Variants in NTRK3 observed in about 807,000 individuals in gnomAD.
NTRK3 encodes the protein NT-3 growth factor receptor.
A neutral mutation model predicts 91.7 loss-of-function variants in NTRK3; 24 were observed. That is an observed-to-expected ratio of 0.26 (90% CI 0.19 to 0.37). NTRK3 has a LOEUF of 0.37. Among genes scored for constraint, NTRK3 ranks in the 10% least tolerant of loss-of-function variants. NTRK3 has a pLI of 1.00. For missense variants in NTRK3, 880 were observed against 1,068.9 expected (o/e 0.82, Z 2.46); for synonymous variants, 483 against 404.0 (o/e 1.20, Z -2.34).
intron 13 of NTRK3, among the ~76,000 whole-genome samples, chr15:88,058,811 T>C (rs147067278): frequency 5.0e-4 from 76 of 152,222 alleles, no homozygotes; most frequent in African/African-American, 1.8e-3. Context: ...CTCAATGTCA[T>C]TGCACATGGG....
At chr15:88,050,515 G>A (rs998123658) in intron 13 of NTRK3, among the ~76,000 whole-genome samples, 7 of 115,840 alleles carry the variant, frequency 6.0e-5, no homozygotes, top group African/African-American at 1.6e-4. Flanking sequence ...GTGTGTGTGT[G>A]TATGTGTGTG....
intron 14 of NTRK3, among the ~76,000 whole-genome samples, chr15:88,022,956 G>T (rs909052512): frequency 2.0e-5 from 3 of 152,192 alleles, no homozygotes; most frequent in Non-Finnish European, 4.4e-5. Context: ...CCAGGGAGAT[G>T]AATGCTAATC....
At chr15:88,244,094 G>GC (rs369371384) in intron 3 of NTRK3, among the ~76,000 whole-genome samples, 402 of 152,166 alleles carry the variant, frequency 2.6e-3, no homozygotes, top group Non-Finnish European at 4.6e-3. Context: ...TGTCACTGCT[G>GC]CCCCCCCATG....
intron 14 of NTRK3, among the ~76,000 whole-genome samples, chr15:87,982,145 C>T (rs1003692856): frequency 1.3e-5 from 2 of 152,186 alleles, no homozygotes; most frequent in African/African-American, 4.8e-5. Context: ...GAGCCCTTTC[C>T]CATATGAGCC....
intron 13 of NTRK3, among the ~76,000 whole-genome samples, chr15:88,122,496 G>A (rs1048982040): frequency 2.0e-5 from 3 of 152,136 alleles, no homozygotes; most frequent in African/African-American, 7.2e-5. Flanking sequence ...ATAGGACCAG[G>A]GGGATGACTA....
chr15:87,980,222 C>G (rs1281215915), intron 14 of NTRK3, among the ~76,000 whole-genome samples: 1 of 152,186 alleles, frequency 6.6e-6, no homozygotes, highest in East Asian at 1.9e-4. Context: ...CAGCCATGGA[C>G]TGAGTTAGGA....
At chr15:87,963,037 G>A (rs2072449554) in intron 14 of NTRK3, among the ~76,000 whole-genome samples, 3 of 152,162 alleles carry the variant, frequency 2.0e-5, no homozygotes, top group Admixed American at 1.3e-4. Context: ...TGCATTCAAC[G>A]TGTTGCATCT....
At chr15:87,940,507 T>C in intron 15 of NTRK3, 116 bp downstream of exon 15, 1 of 1,519,824 alleles carries the variant, frequency 6.6e-7, no homozygotes, top group Non-Finnish European at 9.1e-7. Flanking sequence ...AGTCCTTTGA[T>C]TGCATCTGAG....
intron 14 of NTRK3, among the ~76,000 whole-genome samples, chr15:87,991,848 T>C (rs1307492737): frequency 6.6e-6 from 1 of 152,066 alleles, no homozygotes; most frequent in Non-Finnish European, 1.5e-5. Context: ...TTACTTAACT[T>C]CCCTAAGCCT....
intron 13 of NTRK3, among the ~76,000 whole-genome samples, chr15:88,071,889 T>C (rs1248855242): frequency 6.6e-6 from 1 of 152,202 alleles, no homozygotes; most frequent in Non-Finnish European, 1.5e-5. Context: ...AGTCCTCTTT[T>C]GGTGCCTTGG....
rs566700178 is a variant in NTRK3, at chr15:88,152,380, C to T, written c.396-4977G>A. 5.9e-5 allele frequency among the ~76,000 whole-genome samples: 9 copies of T among 152,146 alleles called. No individual in the cohort carries two copies. In the East Asian group the frequency reaches 1.7e-3, roughly 29 times the overall value. On this transcript the variant is annotated intron_variant, in intron 5 of 18. Coordinates refer to ENST00000394480, the Ensembl canonical transcript of NTRK3. ...TATTTGGAGATGGGATTTTTAAAGACCTAATTAAAGTTAAGTAAGGACATA... is the reference window on the plus strand; with the variant it reads ...TATTTGGAGATGGGATTTTTAAAGATCTAATTAAAGTTAAGTAAGGACATA...
intron 13 of NTRK3, among the ~76,000 whole-genome samples, chr15:88,109,734 T>C (rs1256830450): frequency 6.6e-6 from 1 of 152,106 alleles, no homozygotes; most frequent in Non-Finnish European, 1.5e-5. Context: ...CAAGAGCCCA[T>C]CCACTGAGAT....
At chr15:88,192,953 T>C (rs578160996) in intron 3 of NTRK3, among the ~76,000 whole-genome samples, 1 of 152,274 alleles carries the variant, frequency 6.6e-6, no homozygotes, top group African/African-American at 2.4e-5. Context: ...GTAATTGTCT[T>C]ATTAGATTAT....
At chr15:88,094,761 C>G (rs150310457) in intron 13 of NTRK3, among the ~76,000 whole-genome samples, 1 of 152,160 alleles carries the variant, frequency 6.6e-6, no homozygotes, top group Non-Finnish European at 1.5e-5. Context: ...GCCCTGCAGA[C>G]GTGAATGTCC....
intron 13 of NTRK3, among the ~76,000 whole-genome samples, chr15:88,067,047 T>C (rs2046710291): frequency 6.6e-6 from 1 of 152,178 alleles, no homozygotes; most frequent in Non-Finnish European, 1.5e-5. Flanking sequence ...CCAGCCCTAC[T>C]GACACAGTCC....
intron 13 of NTRK3, among the ~76,000 whole-genome samples, chr15:88,034,009 G>A (rs1356016072): frequency 2.6e-5 from 4 of 152,098 alleles, no homozygotes; most frequent in African/African-American, 9.7e-5. Context: ...CTCCCCAGGT[G>A]AGTCCCATTT....
chr15:87,974,545 C>T (rs1296990497), intron 14 of NTRK3, among the ~76,000 whole-genome samples: 1 of 151,946 alleles, frequency 6.6e-6, no homozygotes, highest in Non-Finnish European at 1.5e-5. Flanking sequence ...TCTGAAGCTT[C>T]TCACCCTTGC....
At chr15:88,236,784 A>C (rs1442686472) in intron 3 of NTRK3, among the ~76,000 whole-genome samples, 2 of 145,886 alleles carry the variant, frequency 1.4e-5, no homozygotes, top group East Asian at 4.0e-4. Flanking sequence ...AAAAAAAAAA[A>C]AAAAACACTA....
chr15:88,152,940 C>T lies in NTRK3; in HGVS notation c.396-5537G>A, dbSNP rs560383475. ...GACAACCAGGGGCATACTCAGTTTG[C>T]ATCCCAGACATAAATGCCACAGTCA... On this transcript the variant is annotated intron_variant, in intron 5 of 18. Transcript: ENST00000394480. Among the ~76,000 whole-genome samples the T allele has an allele frequency of 2.6e-4, 40 of 152,328 alleles. No homozygotes were observed. The South Asian group carries it at 3.9e-3, about 15-fold the overall frequency.
Sources: gnomAD v4.1 joint callset for allele counts (sites outside exome capture counted in the v4.1 genomes callset) on GRCh38, gnomAD v4.1.1 for gene constraint, MANE v1.5 for transcripts, NCBI Gene and HGNC (gene_info 2026-07-23, HGNC 2026-07-21) for gene names.